Variants in PRMT3 observed in about 807,000 individuals in gnomAD.
PRMT3 encodes protein arginine N-methyltransferase 3.
Under a neutral mutation model 71.9 loss-of-function variants are expected in PRMT3, and 62 were observed. The observed-to-expected ratio is 0.86, with a 90% CI of 0.70 to 1.07. The LOEUF (loss-of-function observed/expected upper bound fraction) is 1.07, where lower values mean the gene tolerates loss of function less well. Among genes scored for constraint, PRMT3 ranks in the 50% least tolerant of loss-of-function variants. The pLI is 0.00. For missense variants in PRMT3, 663 were observed against 643.0 expected, an observed-to-expected ratio of 1.03 and a Z score of -0.34; for synonymous variants, 213 against 220.4, an observed-to-expected ratio of 0.97 and a Z score of 0.30.
chr11:20,404,918 G>A (rs907536132), intron 8 of PRMT3, among the ~76,000 whole-genome samples: 6 of 152,142 alleles, frequency 3.9e-5, no homozygotes, highest in Admixed American at 3.9e-4. Flanking sequence ...TACCAGAGGA[G>A]CTTGTTAAGA....
At chr11:20,497,824 T>C (rs1851367599) in intron 15 of PRMT3, among the ~76,000 whole-genome samples, 1 of 152,110 alleles carries the variant, frequency 6.6e-6, no homozygotes, top group African/African-American at 2.4e-5. Flanking sequence ...TTAACAAATC[T>C]TAAAAACAAG....
At chr11:20,485,723 G>A (rs1323021979) in intron 13 of PRMT3, among the ~76,000 whole-genome samples, 2 of 152,152 alleles carry the variant, frequency 1.3e-5, no homozygotes, top group Admixed American at 1.3e-4. Context: ...ACATATACAT[G>A]TAAATGGGCA....
At chr11:20,493,448 C>A (rs954559507) in intron 13 of PRMT3, among the ~76,000 whole-genome samples, 1 of 152,178 alleles carries the variant, frequency 6.6e-6, no homozygotes, top group Non-Finnish European at 1.5e-5. Context: ...TGTTTGTTTC[C>A]GATTCTGCAA....
intron 15 of PRMT3, among the ~76,000 whole-genome samples, chr11:20,503,362 T>G (rs1310029501): frequency 6.6e-6 from 1 of 152,172 alleles, no homozygotes; most frequent in Non-Finnish European, 1.5e-5. Context: ...GCACCACATT[T>G]TTAAACAAAT....
chr11:20,478,284 C>T (rs890804269), intron 13 of PRMT3, among the ~76,000 whole-genome samples: 34 of 152,024 alleles, frequency 2.2e-4, no homozygotes, highest in African/African-American at 7.7e-4. Context: ...GGATAAATTG[C>T]TTTTTAAAGC....
intron 10 of PRMT3, among the ~76,000 whole-genome samples, chr11:20,429,586 A>C (rs1849613533): frequency 6.6e-6 from 1 of 152,248 alleles, no homozygotes; most frequent in Non-Finnish European, 1.5e-5. Context: ...GGTTCTTCGA[A>C]ACCAGTAATG....
intron 8 of PRMT3, 185 bp from the exon 9 acceptor site, chr11:20,407,726 T>G (rs913160268): frequency 2.1e-6 from 1 of 471,898 alleles, no homozygotes; most frequent in Non-Finnish European, 3.7e-6. Flanking sequence ...TGGTGACTCC[T>G]GCCTGTAATC....
At chr11:20,395,519 A>G (rs1451084949) in intron 5 of PRMT3, among the ~76,000 whole-genome samples, 2 of 142,268 alleles carry the variant, frequency 1.4e-5, no homozygotes, top group Non-Finnish European at 3.1e-5. Context: ...AACTTTTTGT[A>G]TTTTTTTTTT....
intron 10 of PRMT3, among the ~76,000 whole-genome samples, chr11:20,443,462 A>T (rs1226151319): frequency 6.6e-6 from 1 of 152,158 alleles, no homozygotes; most frequent in Non-Finnish European, 1.5e-5. Flanking sequence ...CTACATGGAG[A>T]ATTACAAGAA....
rs886814267 is a variant in PRMT3 at position 20,444,388 on chromosome 11, T to TA, written c.994-7741dup. Among the ~76,000 whole-genome samples the TA allele has an allele frequency of 2.6e-5, 4 of 152,274 alleles. No homozygotes were observed. In the East Asian group the frequency reaches 7.7e-4, roughly 29 times the overall value. On this transcript the variant is annotated intron_variant, in intron 10 of 15. Coordinates refer to ENST00000331079, the MANE Select transcript of PRMT3 (RefSeq NM_005788.4). ...CCTCATGTTCAGTGTAAGGTATGCA[T>TA]ATTCTACATATTGTTCTGTACCTTG...
chr11:20,502,171 G>A (rs190693670), intron 15 of PRMT3, among the ~76,000 whole-genome samples: 48 of 152,292 alleles, frequency 3.2e-4, no homozygotes, highest in African/African-American at 1.2e-3. Context: ...GCTCCAGAGT[G>A]TTCCTTCCAG....
chr11:20,457,050 A>G (rs1850281635), intron 11 of PRMT3, among the ~76,000 whole-genome samples: 1 of 151,754 alleles, frequency 6.6e-6, no homozygotes, highest in Admixed American at 6.6e-5. Context: ...AATTCTTTGT[A>G]TTTTTAGTAG....
chr11:20,440,996 CT>C (rs11337294), intron 10 of PRMT3, among the ~76,000 whole-genome samples: 126,199 of 151,450 alleles, frequency 0.83, 54,120 homozygotes, highest in Non-Finnish European at 0.95. Flanking sequence ...TCACCTCTCC[CT>C]TTTTTTTTCT....
intron 15 of PRMT3, among the ~76,000 whole-genome samples, chr11:20,500,037 A>G (rs549447361): frequency 3.3e-5 from 5 of 152,312 alleles, no homozygotes; most frequent in South Asian, 4.1e-4. Flanking sequence ...TTTTCTTCCA[A>G]TATCCCCCAG....
At chr11:20,429,914 CT>C (rs1216536244) in intron 10 of PRMT3, among the ~76,000 whole-genome samples, 1 of 152,084 alleles carries the variant, frequency 6.6e-6, no homozygotes, top group African/African-American at 2.4e-5. Context: ...CTTCTAAATC[CT>C]AGAAGTCCCT....
At chr11:20,498,058 A>G (rs767251302) in intron 15 of PRMT3, among the ~76,000 whole-genome samples, 1 of 152,240 alleles carries the variant, frequency 6.6e-6, no homozygotes, top group Non-Finnish European at 1.5e-5. Context: ...ATGTCATTTG[A>G]TGGAATTAAT....
intron 13 of PRMT3, among the ~76,000 whole-genome samples, chr11:20,466,700 G>T (rs1037164917): frequency 2.0e-5 from 3 of 152,090 alleles, no homozygotes; most frequent in Admixed American, 6.6e-5. Context: ...AGTCATCTTA[G>T]TTTTATTCTG....
chr11:20,413,196 A>G (rs933958420), intron 9 of PRMT3, among the ~76,000 whole-genome samples: 5 of 152,094 alleles, frequency 3.3e-5, no homozygotes, highest in African/African-American at 1.2e-4. Flanking sequence ...TAGTGTTCTT[A>G]TGTGTCTCTC....
rs116729241 is a variant in PRMT3 at position 20,505,678 on chromosome 11, T to C, written c.1487-2626T>C. On this transcript the variant is annotated intron_variant, in intron 15 of 15. Transcript: ENST00000331079. ...TTGATTTAAAAAGAAGCAAATAAAA[T>C]AGCCAAAATAGAAAAGTCAAAATAG... Among the ~76,000 whole-genome samples, 1,464 of 152,234 alleles carry C rather than the reference T, an allele frequency of 9.6e-3. 29 individuals are homozygous for C. The highest frequency in any genetic ancestry group is 0.034 in the African/African-American group (1,411 of 41,552).
Sources: allele counts gnomAD v4.1 joint callset (sites outside exome capture counted in the v4.1 genomes callset), GRCh38; gene constraint gnomAD v4.1.1; transcripts MANE v1.5; gene names NCBI Gene and HGNC (gene_info 2026-07-23, HGNC 2026-07-21).